UGT1A8: variants seen among roughly 807,000 people sequenced by gnomAD.
UGT1A8 encodes the protein UDP glucuronosyltransferase family 1 member A8, also known as UDP-glucuronosyltransferase 1A8.
In UGT1A8, 39 loss-of-function variants were observed where a neutral mutation model predicts 45.3. The ratio of observed to expected loss-of-function variants is 0.86; its 90% CI spans 0.67 to 1.12. UGT1A8 has a LOEUF of 1.12. UGT1A8 is among the 50% of genes most tolerant of loss of function. UGT1A8 has a pLI of 0.00. For synonymous variants in UGT1A8, 275 were observed against 249.2 expected (o/e 1.10, Z -0.97); for missense variants, 719 against 664.9 (o/e 1.08, Z -0.90).
chr2:233,715,863 T>C (rs1183803231), intron 1 of UGT1A8, among the ~76,000 whole-genome samples: 2 of 152,198 alleles, frequency 1.3e-5, no homozygotes, highest in Non-Finnish European at 2.9e-5. Flanking sequence ...CTGGGTGCAG[T>C]AGCTTGTGCC....
chr2:233,625,896 C>T (rs1465200219), intron 1 of UGT1A8, among the ~76,000 whole-genome samples: 2 of 152,060 alleles, frequency 1.3e-5, no homozygotes, highest in East Asian at 3.9e-4. Flanking sequence ...ACAATATACT[C>T]AGGTAACCTG....
intron 1 of UGT1A8, 110 bp from the exon 2 acceptor site, chr2:233,766,924 A>G (rs985684086): frequency 6.4e-7 from 1 of 1,565,332 alleles, no homozygotes; most frequent in Admixed American, 1.9e-5. Flanking sequence ...TCAAACACGC[A>G]TGCCTTTAAT....
At chr2:233,760,521 G>A (rs2125985351) in intron 1 of UGT1A8, 2 of 1,614,238 alleles carry the variant, frequency 1.2e-6, no homozygotes, top group Non-Finnish European at 1.7e-6. Flanking sequence ...CCTTGAAGAC[G>A]TACCCTGTGC....
At chr2:233,683,395 A>T (rs1186306965) in intron 1 of UGT1A8, among the ~76,000 whole-genome samples, 5 of 152,160 alleles carry the variant, frequency 3.3e-5, no homozygotes, top group African/African-American at 1.2e-4. Flanking sequence ...ATTGATAGAG[A>T]TTTAAGTGTT....
chr2:233,647,903 C>A, intron 1 of UGT1A8: 1 of 1,573,508 alleles, frequency 6.4e-7, no homozygotes, highest in Non-Finnish European at 8.7e-7. Flanking sequence ...TGAAGTTAGC[C>A]TCCAGGGAAG....
Position 233,760,817 on chromosome 2 carries a change from G to A in UGT1A8, c.856-6217G>A, listed in dbSNP as rs1373930486. 1 of 1,613,516 alleles carries A rather than the reference G, an allele frequency of 6.2e-7. No individual in the cohort carries two copies. Among genetic ancestry groups the A allele is most frequent in the South Asian group, 1.1e-5 (1 of 91,054 alleles). ...GTATTCTTCTTGCATGCACTGCCAT[G>A]CAGCCTGGAATTTGAGGCTACCCAG... On this transcript the variant is annotated intron_variant, in intron 1 of 4. Transcript: ENST00000373450.
intron 1 of UGT1A8, among the ~76,000 whole-genome samples, chr2:233,720,787 C>T (rs369291144): frequency 6.6e-5 from 10 of 151,230 alleles, no homozygotes; most frequent in South Asian, 4.2e-4. Flanking sequence ...CTCACTGCAA[C>T]CTTCACCTCC....
chr2:233,719,393 C>T (rs759794462), intron 1 of UGT1A8: 2 of 1,613,946 alleles, frequency 1.2e-6, no homozygotes, highest in Non-Finnish European at 1.7e-6. Context: ...CAAATCCTTC[C>T]TCCTATATTC....
intron 1 of UGT1A8, chr2:233,721,603 G>A: frequency 5.7e-6 from 1 of 176,650 alleles, no homozygotes; most frequent in Non-Finnish European, 1.2e-5. Context: ...TCAGGTTTAG[G>A]AACAATTTGT....
At chr2:233,728,979 T>C (rs55781538) in intron 1 of UGT1A8, 30,148 of 1,500,164 alleles carry the variant, frequency 0.02, 353 homozygotes, top group Non-Finnish European at 0.023. Context: ...AGATTAATGG[T>C]TAATAATTAA....
In UGT1A8 at chr2:233,744,645, G is replaced by A. The variant is rs1382975794; in HGVS notation, c.856-22389G>A. 2.0e-5 allele frequency among the ~76,000 whole-genome samples: 3 copies of A among 151,982 alleles called. No homozygotes were observed. In the East Asian group the frequency reaches 5.8e-4, roughly 29 times the overall value. Reference sequence around the variant, plus strand: ...GAGGTGGATTCTCATGTCAGCTTCTGTATTCAATCTACTGTGATATTACAC... The same window carrying A: ...GAGGTGGATTCTCATGTCAGCTTCTATATTCAATCTACTGTGATATTACAC... On this transcript the variant is annotated intron_variant, in intron 1 of 4. Coordinates refer to ENST00000373450, the MANE Select transcript of UGT1A8 (RefSeq NM_019076.5).
Position 233,747,232 on chromosome 2 carries a change from G to T in UGT1A8, c.856-19802G>T. 2.5e-6 allele frequency: 4 copies of T among 1,605,196 alleles called. 1 individual carries two copies. The highest frequency in any genetic ancestry group is 2.2e-5 in the South Asian group (2 of 90,296). On this transcript the variant is annotated intron_variant, in intron 1 of 4. Coordinates refer to ENST00000373450, the MANE Select transcript of UGT1A8 (RefSeq NM_019076.5). ...TGCTGAGATGGCCACAGGACCCCAGGTTCCCCTGCTGTGGCTGGCCACAGG... is the reference window on the plus strand; with the variant it reads ...TGCTGAGATGGCCACAGGACCCCAGTTTCCCCTGCTGTGGCTGGCCACAGG...
At position 233,742,072 on chromosome 2, in the gene UGT1A8, G is replaced by A. The variant is rs147639323; in HGVS notation, c.856-24962G>A. The A allele has an allele frequency of 2.6e-5, 4 of 151,962 alleles. 1 individual carries two copies. Among genetic ancestry groups the A allele is most frequent in the African/African-American group, 9.7e-5 (4 of 41,216 alleles). The allele number at this position is 151,962 out of a possible 1,614,324, so 9.4% of individuals were successfully genotyped here. ...GGATAGTTCTGTGTGGCCTTATGGA[G>A]ATCCTTTTTTTACATTTCCAGGACC... On this transcript the variant is annotated intron_variant, in intron 1 of 4. Coordinates refer to ENST00000373450, the MANE Select transcript of UGT1A8 (RefSeq NM_019076.5).
rs1331273154 is a variant in UGT1A8 at position 233,755,158 on chromosome 2, C to T, written c.856-11876C>T. On this transcript the variant is annotated intron_variant, in intron 1 of 4. Coordinates refer to ENST00000373450, the MANE Select transcript of UGT1A8 (RefSeq NM_019076.5). ...AATCTTCTCACCGCTTCCTCCCTGT[C>T]CTCGGGGTTTTTGTCGGGGTGCCAC... 1.2e-4 allele frequency: 159 copies of T among 1,292,482 alleles called. 2 individuals are homozygous for T. Among genetic ancestry groups the T allele is most frequent in the Non-Finnish European group, 4.6e-5 (44 of 955,692 alleles). The allele number at this position is 1,292,482 out of a possible 1,614,324, so 80.1% of individuals were successfully genotyped here.
chr2:233,772,440 C>T lies in UGT1A8; in HGVS notation c.1474C>T (p.Leu492Phe). 3 of 1,614,194 alleles carry T rather than the reference C, an allele frequency of 1.9e-6. No individual in the cohort carries two copies. Among genetic ancestry groups the T allele is most frequent in the South Asian group, 2.2e-5 (2 of 91,088 alleles). ...CCATTCCTTGGACGTGATTGGTTTC[C>T]TCTTGGCCGTCGTGCTGACAGTGGC... ...QYHSLDVIGF[L>F]LAVVLTVAFI... is the part of the protein sequence containing the mutation. Residue 492 changes from leucine to phenylalanine, a missense_variant, in exon 5 of 5, where the codon CTC becomes TTC. Transcript: ENST00000373450.
intron 1 of UGT1A8, chr2:233,753,490 A>G (rs1695218587): frequency 6.6e-6 from 1 of 152,190 alleles, no homozygotes. Flanking sequence ...GCTGCTCTTA[A>G]TTTTTTTCAG....
Position 233,727,783 on chromosome 2 carries a change from T to A in UGT1A8, c.856-39251T>A, listed in dbSNP as rs377176798. Among the ~76,000 whole-genome samples, 8 of 152,336 alleles carry A rather than the reference T, an allele frequency of 5.3e-5. No individual in the cohort carries two copies. The East Asian group carries it at 7.7e-4, about 15-fold the overall frequency. Reference sequence around the variant, plus strand: ...AGCTGGGTGTCCCCCAGTAGACGCTTCCATTCACTGCCTGTCCCATGGGTT... The same window carrying A: ...AGCTGGGTGTCCCCCAGTAGACGCTACCATTCACTGCCTGTCCCATGGGTT... On this transcript the variant is annotated intron_variant, in intron 1 of 4. Coordinates refer to ENST00000373450, the MANE Select transcript of UGT1A8 (RefSeq NM_019076.5).
Position 233,648,099 on chromosome 2 carries a change from G to A in UGT1A8, c.855+29537G>A, listed in dbSNP as rs557703717. 73 of 1,492,666 alleles carry A rather than the reference G, an allele frequency of 4.9e-5. No individual in the cohort carries two copies. The East Asian group carries it at 6.9e-4, about 14-fold the overall frequency. The allele number at this position is 1,492,666 out of a possible 1,614,324, so 92.5% of individuals were successfully genotyped here. Reference sequence around the variant, plus strand: ...TATACACCCTGGAGGATCTGGACCAGGAGTTCATGGCTTTTGCCAATGCTC... The same window carrying A: ...TATACACCCTGGAGGATCTGGACCAAGAGTTCATGGCTTTTGCCAATGCTC... On this transcript the variant is annotated intron_variant, in intron 1 of 4. Coordinates refer to ENST00000373450, the MANE Select transcript of UGT1A8 (RefSeq NM_019076.5).
At chr2:233,772,069 T>A (rs2126064958) in intron 4 of UGT1A8, among the ~76,000 whole-genome samples, 193 bp from the exon 5 acceptor site, 1 of 152,274 alleles carries the variant, frequency 6.6e-6, no homozygotes, top group East Asian at 1.9e-4. Context: ...GCCATGCTTG[T>A]GCCACTACAC....
Sources: gnomAD v4.1 joint callset for allele counts (sites outside exome capture counted in the v4.1 genomes callset) on GRCh38, gnomAD v4.1.1 for gene constraint, MANE v1.5 for transcripts, NCBI Gene and HGNC (gene_info 2026-07-23, HGNC 2026-07-21) for gene names.